RAB22A: variants seen among roughly 807,000 people sequenced by gnomAD.
The protein encoded by RAB22A is RAB22A, member RAS oncogene family, also known as ras-related protein Rab-22A.
Under a neutral mutation model 30.2 loss-of-function variants are expected in RAB22A, and 13 were observed. The observed-to-expected ratio is 0.43, with a 90% CI of 0.28 to 0.68. The LOEUF (loss-of-function observed/expected upper bound fraction) is 0.68. RAB22A is among the 30% of genes least tolerant of loss of function. The pLI is 0.18. For missense variants in RAB22A, 177 were observed against 246.8 expected (o/e 0.72, Z 1.89); for synonymous variants, 89 against 87.2 (o/e 1.02, Z -0.11).
chr20:58,365,841 T>G lies in RAB22A; in HGVS notation c.*6138T>G, dbSNP rs905517852. The G allele has an allele frequency of 3.9e-5, 6 of 152,120 alleles. No individual in the cohort carries two copies. Among genetic ancestry groups the G allele is most frequent in the African/African-American group, 1.4e-4 (6 of 41,416 alleles). 9.4% of individuals were successfully genotyped at this position (152,120 alleles called of 1,614,324 possible). ...CACACCCGGCTAATATTTTTTGTAT[T>G]TTTAGTAGAGACAGGGTTTCACCGT... On this transcript the variant is annotated 3_prime_UTR_variant, in exon 7 of 7. Coordinates refer to ENST00000244040, the MANE Select transcript of RAB22A (RefSeq NM_020673.3).
At chr20:58,342,825 A>G (rs1016892048) in intron 2 of RAB22A, among the ~76,000 whole-genome samples, 2 of 152,096 alleles carry the variant, frequency 1.3e-5, no homozygotes, top group Admixed American at 1.3e-4. Context: ...AATGGAAGGT[A>G]GTATTGGAGC....
chr20:58,345,188 C>T (rs904227389), intron 3 of RAB22A, among the ~76,000 whole-genome samples: 1 of 152,100 alleles, frequency 6.6e-6, no homozygotes, highest in Non-Finnish European at 1.5e-5. Context: ...TTTGATGATA[C>T]AGCAAAGCCC....
chr20:58,309,747 GGCGGCGGCTCCCGGAAGGCC>G lies in RAB22A; in HGVS notation c.-221_-202del. 3.8e-6 allele frequency: 1 copy of G among 261,252 alleles called. No homozygotes were observed. The highest frequency in any genetic ancestry group is 7.1e-6 in the Non-Finnish European group (1 of 140,496). The allele number at this position is 261,252 out of a possible 1,614,324, so 16.2% of individuals were successfully genotyped here. ...GCGGCCGGCGTCCCAAGATGGCGGCGGCGGCGGCTCCCGGAAGGCCGCGGCGGCGTCCCGGCTGCTAAGGC... is the reference window on the plus strand; with the variant it reads ...GCGGCCGGCGTCCCAAGATGGCGGCGGCGGCGGCGTCCCGGCTGCTAAGGC... On this transcript the variant is annotated 5_prime_UTR_variant, in exon 1 of 7. The change abolishes the stop of an existing upstream ORF in the 5' untranslated region. Transcript: ENST00000244040.
intron 3 of RAB22A, among the ~76,000 whole-genome samples, chr20:58,351,888 TAAAAGGC>T (rs1987056575): frequency 2.0e-5 from 3 of 152,160 alleles, no homozygotes; most frequent in Non-Finnish European, 4.4e-5. Flanking sequence ...ACCTTCCACT[TAAAAGGC>T]AAAGGTTGTC....
chr20:58,354,760 T>C (rs1987105597), intron 6 of RAB22A, among the ~76,000 whole-genome samples: 1 of 152,208 alleles, frequency 6.6e-6, no homozygotes, highest in Non-Finnish European at 1.5e-5. Context: ...TGGGATCCTC[T>C]GCAGATCGTA....
rs528910623 is a variant in RAB22A at position 58,362,645 on chromosome 20, C to A, written c.*2942C>A. ...TCTGATTCTATGATAACTAATTAAC[C>A]ATCATCTGGTGATTAAAAGAACATA... On this transcript the variant is annotated 3_prime_UTR_variant, in exon 7 of 7. Transcript: ENST00000244040. 12 of 152,202 alleles carry A rather than the reference C, an allele frequency of 7.9e-5. No individual in the cohort carries two copies. The highest frequency in any genetic ancestry group is 1.8e-4 in the Non-Finnish European group (12 of 68,026). The allele number at this position is 152,202 out of a possible 1,614,324, so 9.4% of individuals were successfully genotyped here.
Position 58,309,929 on chromosome 20 carries a change from C to A in RAB22A, c.-48C>A. The A allele has an allele frequency of 8.0e-7, 1 of 1,257,122 alleles. No individual in the cohort carries two copies. The highest frequency in any genetic ancestry group is 3.6e-5 in the South Asian group (1 of 27,560). The allele number at this position is 1,257,122 out of a possible 1,614,324, so 77.9% of individuals were successfully genotyped here. On this transcript the variant is annotated 5_prime_UTR_variant, in exon 1 of 7. Transcript: ENST00000244040. ...TGCTCTTGCTGGGCCTGGCCTCTCC[C>A]TTCTCAACTTAGGGCGGCGGCGGGC... is the stretch of plus-strand genomic sequence containing the variant.
At chr20:58,347,852 T>C (rs1240344431) in intron 3 of RAB22A, among the ~76,000 whole-genome samples, 1 of 152,150 alleles carries the variant, frequency 6.6e-6, no homozygotes, top group Non-Finnish European at 1.5e-5. Context: ...ACACAACACA[T>C]ATATTAAAAA....
Position 58,364,532 on chromosome 20 carries a change from G to C in RAB22A, c.*4829G>C, listed in dbSNP as rs764626377. 11 of 152,100 alleles carry C rather than the reference G, an allele frequency of 7.2e-5. No individual in the cohort carries two copies. Among genetic ancestry groups the C allele is most frequent in the Non-Finnish European group, 1.2e-4 (8 of 68,022 alleles). 9.4% of individuals were successfully genotyped at this position (152,100 alleles called of 1,614,324 possible). ...GATTAAGATGTATCATTAGTATATG[G>C]TGAAATTAAAACCGTGGTGTCTAAC... On this transcript the variant is annotated 3_prime_UTR_variant, in exon 7 of 7. Transcript: ENST00000244040.
Position 58,314,111 on chromosome 20 carries a change from C to T in RAB22A, c.116+2989C>T, listed in dbSNP as rs115943296. Among the ~76,000 whole-genome samples the T allele has an allele frequency of 2.3e-3, 341 of 151,094 alleles. 1 individual carries two copies. The highest frequency in any genetic ancestry group is 7.8e-3 in the African/African-American group (318 of 41,020). ...TTACCCAGGCTGGATTGTAATGACA[C>T]GATCTCGGCTCACTGCAACCTCTGC... On this transcript the variant is annotated intron_variant, in intron 2 of 6. Transcript: ENST00000244040.
intron 2 of RAB22A, among the ~76,000 whole-genome samples, chr20:58,317,106 T>C (rs1986355754): frequency 6.6e-6 from 1 of 150,832 alleles, no homozygotes; most frequent in Non-Finnish European, 1.5e-5. Context: ...TTTATGTATT[T>C]ATTTTTTGAG....
intron 3 of RAB22A, chr20:58,346,113 A>G (rs1986941228): frequency 6.6e-6 from 1 of 152,482 alleles, no homozygotes; most frequent in Non-Finnish European, 1.5e-5. Flanking sequence ...CTCTACATGT[A>G]TCGCAAATAG....
chr20:58,334,731 C>CTT (rs11475299), intron 2 of RAB22A, among the ~76,000 whole-genome samples: 1 of 134,454 alleles, frequency 7.4e-6, no homozygotes, highest in Admixed American at 7.5e-5. Flanking sequence ...CAACTTTGTA[C>CTT]TTTTTTTTTT....
intron 3 of RAB22A, among the ~76,000 whole-genome samples, chr20:58,350,895 AAC>A (rs1202137588): frequency 6.6e-6 from 1 of 152,236 alleles, no homozygotes; most frequent in Non-Finnish European, 1.5e-5. Context: ...CAAAAATTAT[AAC>A]ACTGGATTGT....
chr20:58,352,240 G>T (rs1011035384), intron 3 of RAB22A, among the ~76,000 whole-genome samples: 2 of 152,054 alleles, frequency 1.3e-5, no homozygotes, highest in Admixed American at 6.5e-5. Context: ...AAGCCAAAAG[G>T]TTAAACTCAT....
At chr20:58,348,344 A>G (rs2122963578) in intron 3 of RAB22A, among the ~76,000 whole-genome samples, 1 of 152,344 alleles carries the variant, frequency 6.6e-6, no homozygotes, top group South Asian at 2.1e-4. Context: ...AGATCAGAAC[A>G]CTAGGAAGCC....
intron 3 of RAB22A, 108 bp downstream of exon 3, chr20:58,343,907 C>T (rs997503040): frequency 4.5e-6 from 4 of 893,720 alleles, no homozygotes; most frequent in Admixed American, 2.2e-5. Context: ...TTCTGTGCAC[C>T]GGAGACACAT....
chr20:58,347,800 T>C (rs1292467625), intron 3 of RAB22A, among the ~76,000 whole-genome samples: 2 of 152,300 alleles, frequency 1.3e-5, no homozygotes, highest in South Asian at 4.1e-4. Context: ...CCACCAATTA[T>C]CTCCTTCAGT....
intron 2 of RAB22A, among the ~76,000 whole-genome samples, chr20:58,323,133 C>T (rs2122933200): frequency 6.6e-6 from 1 of 152,150 alleles, no homozygotes; most frequent in African/African-American, 2.4e-5. Context: ...TATTAGGATT[C>T]TTGAGTTTCT....
Sources: allele counts gnomAD v4.1 joint callset (sites outside exome capture counted in the v4.1 genomes callset), GRCh38; gene constraint gnomAD v4.1.1; transcripts MANE v1.5; gene names NCBI Gene and HGNC (gene_info 2026-07-23, HGNC 2026-07-21).